Variants in USP15 observed in about 807,000 individuals in gnomAD.
USP15 encodes the protein ubiquitin specific peptidase 15, also known as ubiquitin carboxyl-terminal hydrolase 15.
Under a neutral mutation model 127.1 loss-of-function variants are expected in USP15, and 18 were observed. The ratio of observed to expected loss-of-function variants is 0.14; its 90% CI spans 0.10 to 0.21. The LOEUF (loss-of-function observed/expected upper bound fraction) is 0.21, where lower values mean the gene tolerates loss of function less well. Among genes scored for constraint, USP15 ranks in the 10% least tolerant of loss-of-function variants. The pLI is 1.00. For missense variants in USP15, 805 were observed against 1,159.9 expected, an observed-to-expected ratio of 0.69 and a Z score of 4.44; for synonymous variants, 364 against 393.7, an observed-to-expected ratio of 0.92 and a Z score of 0.89.
intron 8 of USP15, among the ~76,000 whole-genome samples, chr12:62,361,354 A>G (rs1039729550): frequency 6.6e-6 from 1 of 152,036 alleles, no homozygotes; most frequent in African/African-American, 2.4e-5. Flanking sequence ...CTCTTTCTGA[A>G]TTAAGTTTTT....
intron 6 of USP15, among the ~76,000 whole-genome samples, chr12:62,348,238 T>C (rs2065874124): frequency 6.6e-6 from 1 of 152,160 alleles, no homozygotes; most frequent in Non-Finnish European, 1.5e-5. Context: ...AAATTTAAAA[T>C]GTACATTTTT....
chr12:62,347,925 G>T (rs1003346793), intron 6 of USP15, among the ~76,000 whole-genome samples: 1 of 152,120 alleles, frequency 6.6e-6, no homozygotes, highest in East Asian at 1.9e-4. Flanking sequence ...TAGGCCTGGT[G>T]CAGCCTGTAA....
At chr12:62,359,684 T>C (rs753469942) in intron 8 of USP15, among the ~76,000 whole-genome samples, 3 of 152,082 alleles carry the variant, frequency 2.0e-5, no homozygotes, top group Non-Finnish European at 4.4e-5. Context: ...TTTCATATAG[T>C]GTTATTGTAG....
At chr12:62,340,244 T>C (rs2137376133) in intron 6 of USP15, among the ~76,000 whole-genome samples, 1 of 152,246 alleles carries the variant, frequency 6.6e-6, no homozygotes, top group South Asian at 2.1e-4. Flanking sequence ...CCCTTTATCA[T>C]TTTTATTGTG....
In USP15 at chr12:62,391,801, T is replaced by C. The variant is rs755911979; in HGVS notation, c.2234-15T>C. The C allele has an allele frequency of 6.3e-7, 1 of 1,580,150 alleles. No individual in the cohort carries two copies. The highest frequency in any genetic ancestry group is 1.2e-5 in the South Asian group (1 of 86,360). Reference sequence around the variant, plus strand: ...CATATTAAATTTTAAAGAAAAAATATGTTTTCCACCTTAGAAAGATCTTTT... The same window carrying C: ...CATATTAAATTTTAAAGAAAAAATACGTTTTCCACCTTAGAAAGATCTTTT... On this transcript the variant is annotated splice_polypyrimidine_tract_variant and intron_variant, in intron 16 of 21. Transcript: ENST00000280377.
Position 62,303,147 on chromosome 12 carries a change from A to T in USP15, c.348+227A>T, listed in dbSNP as rs192545798. 9.2e-6 allele frequency: 3 copies of T among 327,052 alleles called. No individual in the cohort carries two copies. In the Admixed American group the frequency reaches 1.3e-4, roughly 14 times the overall value. 20.3% of individuals were successfully genotyped at this position (327,052 alleles called of 1,614,324 possible). Reference sequence around the variant, plus strand: ...TGATTAATCCTCTATATATAGAGAGAAAACTCTGTAAGGTAAGTAGTAGGA... The same window carrying T: ...TGATTAATCCTCTATATATAGAGAGTAAACTCTGTAAGGTAAGTAGTAGGA... On this transcript the variant is annotated intron_variant, in intron 3 of 21. Coordinates refer to ENST00000280377, the MANE Select transcript of USP15 (RefSeq NM_001252078.2).
Position 62,349,435 on chromosome 12 carries a change from G to A in USP15, c.770+128G>A, listed in dbSNP as rs1050535779. ...AAAATTGGTTTTCTTTTAAATTACC[G>A]GTCAGTTCTTCCATGAGTAACAACA... is the stretch of plus-strand genomic sequence containing the variant. On this transcript the variant is annotated intron_variant, in intron 7 of 21. Transcript: ENST00000280377. The A allele has an allele frequency of 5.8e-5, 29 of 498,580 alleles. 1 individual carries two copies. The highest frequency in any genetic ancestry group is 2.1e-4 in the Admixed American group (5 of 23,782). The allele number at this position is 498,580 out of a possible 1,614,324, so 30.9% of individuals were successfully genotyped here. A position where few individuals can be genotyped will look rare whatever the true frequency, so the allele number is the denominator to read the frequency against.
intron 1 of USP15, among the ~76,000 whole-genome samples, chr12:62,285,620 G>C (rs572222316): frequency 6.6e-5 from 10 of 151,944 alleles, no homozygotes; most frequent in Non-Finnish European, 1.5e-4. Context: ...TTTTATGGCT[G>C]AGTAGTATTC....
intron 7 of USP15, among the ~76,000 whole-genome samples, chr12:62,352,041 T>G (rs1489174640): frequency 1.3e-5 from 2 of 151,874 alleles, no homozygotes; most frequent in Non-Finnish European, 2.9e-5. Flanking sequence ...GTAATGACCT[T>G]TTTGGATTAA....
intron 11 of USP15, among the ~76,000 whole-genome samples, chr12:62,389,215 G>C (rs2067248446): frequency 6.6e-6 from 1 of 151,922 alleles, no homozygotes; most frequent in Admixed American, 6.6e-5. Flanking sequence ...TTGAATTAAT[G>C]CAAGTGTCTT....
intron 8 of USP15, among the ~76,000 whole-genome samples, chr12:62,364,220 T>C (rs1035041715): frequency 2.0e-5 from 3 of 152,118 alleles, no homozygotes; most frequent in Non-Finnish European, 4.4e-5. Context: ...AAGAAAGGGA[T>C]TACGGATGCA....
At chr12:62,390,093 A>C in intron 14 of USP15, 105 bp downstream of exon 14, 1 of 1,168,982 alleles carries the variant, frequency 8.6e-7, no homozygotes. Flanking sequence ...TAATTATTCA[A>C]GTCTGTATTA....
intron 1 of USP15, among the ~76,000 whole-genome samples, chr12:62,270,337 C>G (rs1050639051): frequency 1.2e-4 from 18 of 151,950 alleles, no homozygotes; most frequent in African/African-American, 4.3e-4. Context: ...TTGGTAGTGT[C>G]CACTGAAACA....
Position 62,266,807 on chromosome 12 carries a change from G to A in USP15, c.89+6304G>A, listed in dbSNP as rs374589599. Among the ~76,000 whole-genome samples the A allele has an allele frequency of 3.3e-5, 5 of 151,928 alleles. No homozygotes were observed. The East Asian group carries it at 7.7e-4, about 23-fold the overall frequency. ...TGCTTGCTCATAGTTTACTACCAGCGGACATTTATTAAATGCTTAGTCTGT... is the reference window on the plus strand; with the variant it reads ...TGCTTGCTCATAGTTTACTACCAGCAGACATTTATTAAATGCTTAGTCTGT... On this transcript the variant is annotated intron_variant, in intron 1 of 21. Transcript: ENST00000280377.
intron 7 of USP15, among the ~76,000 whole-genome samples, chr12:62,354,120 GGTGT>G (rs144332465): frequency 6.7e-6 from 1 of 149,564 alleles, no homozygotes; most frequent in Non-Finnish European, 1.5e-5. Flanking sequence ...CTCTGGGGGT[GGTGT>G]GTGTGTGTGT....
intron 6 of USP15, chr12:62,336,688 G>A (rs1452701192): frequency 4.2e-6 from 1 of 240,404 alleles, no homozygotes; most frequent in Non-Finnish European, 6.7e-6. Flanking sequence ...TTACCAAAAA[G>A]TTGCATTGTT....
At chr12:62,360,820 C>G (rs900452708) in intron 8 of USP15, among the ~76,000 whole-genome samples, 2 of 152,014 alleles carry the variant, frequency 1.3e-5, no homozygotes, top group Non-Finnish European at 2.9e-5. Context: ...GGTTTTCATC[C>G]TAATCCAGGA....
At chr12:62,306,510 T>G (rs1395858113) in intron 3 of USP15, among the ~76,000 whole-genome samples, 1 of 152,068 alleles carries the variant, frequency 6.6e-6, no homozygotes, top group Non-Finnish European at 1.5e-5. Flanking sequence ...TGTTATACAG[T>G]GGTAGAGTAA....
At chr12:62,310,304 TCTG>T (rs965208580) in intron 3 of USP15, among the ~76,000 whole-genome samples, 22 of 151,906 alleles carry the variant, frequency 1.4e-4, no homozygotes, top group African/African-American at 5.1e-4. Flanking sequence ...GTCACCCTGC[TCTG>T]CTACCAAACA....
Sources: gnomAD v4.1 joint callset for allele counts (sites outside exome capture counted in the v4.1 genomes callset) on GRCh38, gnomAD v4.1.1 for gene constraint, MANE v1.5 for transcripts, NCBI Gene and HGNC (gene_info 2026-07-23, HGNC 2026-07-21) for gene names.